ZC3H18: variants seen among roughly 807,000 people sequenced by gnomAD.
ZC3H18 encodes zinc finger CCCH-type containing 18.
ZC3H18 carries 8 observed loss-of-function variants against 106.1 expected under a neutral mutation model. That is an observed-to-expected ratio of 0.08 (90% CI 0.04 to 0.14). ZC3H18 has a LOEUF of 0.14. Among genes scored for constraint, ZC3H18 ranks in the 10% least tolerant of loss-of-function variants. ZC3H18 has a pLI of 1.00. For missense variants in ZC3H18, 1,318 were observed against 1,278.4 expected (o/e 1.03, Z -0.47); for synonymous variants, 635 against 522.1 (o/e 1.22, Z -2.95).
intron 10 of ZC3H18, chr16:88,623,669 G>A: frequency 1.8e-6 from 1 of 557,386 alleles, no homozygotes; most frequent in Non-Finnish European, 3.1e-6. Context: ...GAGCTGTGCT[G>A]CTGCCCCACT....
At chr16:88,593,433 G>A (rs1401819892) in intron 3 of ZC3H18, among the ~76,000 whole-genome samples, 6 of 152,258 alleles carry the variant, frequency 3.9e-5, no homozygotes, top group Non-Finnish European at 5.9e-5. Context: ...ATTTCATCAC[G>A]CTGCTCAGCA....
intron 1 of ZC3H18, among the ~76,000 whole-genome samples, chr16:88,575,118 C>G (rs189289500): frequency 6.6e-6 from 1 of 151,808 alleles, no homozygotes; most frequent in Non-Finnish European, 1.5e-5. Context: ...CGTGAGCCAC[C>G]GTGCCCGGCC....
intron 2 of ZC3H18, among the ~76,000 whole-genome samples, chr16:88,578,332 C>T (rs1056454436): frequency 1.3e-5 from 2 of 152,120 alleles, no homozygotes; most frequent in Admixed American, 6.5e-5. Flanking sequence ...TTAATGTGGC[C>T]TTCAGGTTGA....
In ZC3H18 at chr16:88,621,317, C is replaced by T. The variant is rs1028772135; in HGVS notation, c.1476-880C>T. On this transcript the variant is annotated intron_variant, in intron 8 of 17. Coordinates refer to ENST00000301011, the MANE Select transcript of ZC3H18 (RefSeq NM_144604.4). ...TCGGCTCACTGCAAGCTCCACCTCC[C>T]GGGTTCACGCCATTCTTCTGCCTCA... is the stretch of plus-strand genomic sequence containing the variant. Among the ~76,000 whole-genome samples the T allele has an allele frequency of 1.4e-3, 214 of 152,116 alleles. 1 individual carries two copies. Among genetic ancestry groups the T allele is most frequent in the East Asian group, 9.7e-4 (5 of 5,174 alleles).
At position 88,628,652 on chromosome 16, in the gene ZC3H18, T is replaced by C. The variant is rs376635890; in HGVS notation, c.2470-106T>C. The C allele has an allele frequency of 5.3e-4, 658 of 1,233,428 alleles. 5 individuals are homozygous for C. The African/African-American group carries it at 8.6e-3, about 16-fold the overall frequency. The allele number at this position is 1,233,428 out of a possible 1,614,324, so 76.4% of individuals were successfully genotyped here. A position where few individuals can be genotyped will look rare whatever the true frequency, so the allele number is the denominator to read the frequency against. Reference sequence around the variant, plus strand: ...GTCTCATGGGTGTGTGGTGGGACCTTTGGGAGCAGAGCAGGTTGCTGGCAA... The same window carrying C: ...GTCTCATGGGTGTGTGGTGGGACCTCTGGGAGCAGAGCAGGTTGCTGGCAA... On this transcript the variant is annotated intron_variant, in intron 15 of 17. Transcript: ENST00000301011.
chr16:88,610,055 G>T (rs1275967163), intron 7 of ZC3H18, among the ~76,000 whole-genome samples: 1 of 152,084 alleles, frequency 6.6e-6, no homozygotes, highest in African/African-American at 2.4e-5. Context: ...CAGCCAGCTT[G>T]TTAAGTCTGT....
intron 16 of ZC3H18, chr16:88,630,229 GTC>G (rs1334862757): frequency 4.5e-6 from 2 of 443,600 alleles, no homozygotes; most frequent in Non-Finnish European, 8.0e-6. Context: ...AAGGAGTTTT[GTC>G]TCTCTGCGTG....
intron 9 of ZC3H18, 99 bp downstream of exon 9, chr16:88,622,487 A>C (rs1404863731): frequency 1.5e-6 from 2 of 1,358,750 alleles, no homozygotes; most frequent in East Asian, 5.1e-5. Flanking sequence ...CCCCAGCCCC[A>C]CTGTTTGCTG....
chr16:88,604,977 C>T (rs946807645), intron 6 of ZC3H18, among the ~76,000 whole-genome samples: 7 of 152,148 alleles, frequency 4.6e-5, no homozygotes, highest in African/African-American at 1.7e-4. Context: ...GTATTAGAGG[C>T]GGAGGTGCAG....
At chr16:88,605,262 C>G (rs72809458) in intron 6 of ZC3H18, among the ~76,000 whole-genome samples, 19,097 of 152,284 alleles carry the variant, frequency 0.13, 1,379 homozygotes, top group Middle Eastern at 0.18. Flanking sequence ...GCCCACAGTC[C>G]CACAGACTCA....
chr16:88,631,064 C>T lies in ZC3H18; in HGVS notation c.2664-37C>T, dbSNP rs754108454. ...TCACCCCTTCCACCTGCAGACGTGGCTTCTGGGGGCTCAAGGTCTTCCCCA... is the reference window on the plus strand; with the variant it reads ...TCACCCCTTCCACCTGCAGACGTGGTTTCTGGGGGCTCAAGGTCTTCCCCA... On this transcript the variant is annotated intron_variant, in intron 17 of 17. Transcript: ENST00000301011. 50 of 1,609,466 alleles carry T rather than the reference C, an allele frequency of 3.1e-5. No homozygotes were observed. The South Asian group carries it at 5.1e-4, about 16-fold the overall frequency.
Position 88,623,589 on chromosome 16 carries a change from C to T in ZC3H18, c.1793+245C>T, listed in dbSNP as rs2277903. On this transcript the variant is annotated intron_variant, in intron 10 of 17. Coordinates refer to ENST00000301011, the MANE Select transcript of ZC3H18 (RefSeq NM_144604.4). ...ACAGCCTGAGATCCTCGAGTTGAGG[C>T]ACTCCAGTCCTCCGCAGACAGGCCG... 272,598 of 595,670 alleles carry T rather than the reference C, an allele frequency of 0.46. 64,423 individuals are homozygous for T. The highest frequency in any genetic ancestry group is 0.63 in the South Asian group (30,617 of 48,526). 36.9% of individuals were successfully genotyped at this position (595,670 alleles called of 1,614,324 possible). A position where few individuals can be genotyped will look rare whatever the true frequency, so the allele number is the denominator to read the frequency against.
intron 3 of ZC3H18, among the ~76,000 whole-genome samples, chr16:88,595,841 T>G (rs984666341): frequency 6.6e-6 from 1 of 151,480 alleles, no homozygotes; most frequent in Non-Finnish European, 1.5e-5. Context: ...AAGAAAGTAA[T>G]ATGGGCTGGC....
chr16:88,597,912 C>G (rs902175436), intron 3 of ZC3H18, among the ~76,000 whole-genome samples: 1 of 152,250 alleles, frequency 6.6e-6, no homozygotes, highest in Non-Finnish European at 1.5e-5. Flanking sequence ...TACGCGTGAA[C>G]TCTCCACAAA....
At chr16:88,595,057 A>G (rs897771488) in intron 3 of ZC3H18, among the ~76,000 whole-genome samples, 1 of 152,218 alleles carries the variant, frequency 6.6e-6, no homozygotes, top group Non-Finnish European at 1.5e-5. Context: ...AGGCTGAGGC[A>G]GGAGAATCAC....
intron 2 of ZC3H18, among the ~76,000 whole-genome samples, chr16:88,578,300 G>A (rs1198219233): frequency 6.6e-6 from 1 of 152,192 alleles, no homozygotes; most frequent in Non-Finnish European, 1.5e-5. Context: ...GACAAAGCCA[G>A]CACACTTTTT....
intron 5 of ZC3H18, 105 bp from the exon 6 acceptor site, chr16:88,599,686 T>A: frequency 7.4e-7 from 1 of 1,343,690 alleles, no homozygotes; most frequent in Non-Finnish European, 1.0e-6. Context: ...CAGCTCCTGC[T>A]CCTGCAGGGC....
rs1224200800 is a variant in ZC3H18 at position 88,611,514 on chromosome 16, C to T, written c.1453C>T (p.Pro485Ser). ...EREKEKGKPK[P>S]RSPQPPSRQA... ...GGAGAAGGAGAAGGGGAAGCCCAAG[C>T]CCCGCTCCCCGCAGCCGCCAAGGTA... The change falls in exon 8 of 18, where the codon CCC (proline) becomes TCC (serine). Residue 485 changes from proline to serine, a missense_variant. Pro to Ser is a moderately conservative substitution (Grantham distance 74). Around this residue, in one of 6 missense-constraint regions of ZC3H18, gnomAD observed 848 missense variants for 821.7 expected, o/e 1.03. Transcript: ENST00000301011. 3.2e-6 allele frequency: 5 copies of T among 1,550,022 alleles called. No homozygotes were observed. In the African/African-American group the frequency reaches 6.8e-5, roughly 21 times the overall value.
intron 1 of ZC3H18, among the ~76,000 whole-genome samples, chr16:88,573,351 C>T (rs1914527784): frequency 6.6e-6 from 1 of 151,978 alleles, no homozygotes; most frequent in African/African-American, 2.4e-5. Context: ...GATAGCTAGG[C>T]AAGAGAGAGA....
Sources: gnomAD v4.1 joint callset for allele counts (sites outside exome capture counted in the v4.1 genomes callset) on GRCh38, gnomAD v4.1.1 for gene constraint, gnomAD v4.1.1 regional missense constraint, MANE v1.5 for transcripts, NCBI Gene and HGNC (gene_info 2026-07-23, HGNC 2026-07-21) for gene names.